The following EXOC4 variants were observed in gnomAD, a reference collection of about 807,000 sequenced individuals.
EXOC4 encodes exocyst complex component 4.
In EXOC4, 71 loss-of-function variants were observed where a neutral mutation model predicts 107.2. The observed-to-expected ratio is 0.66, with a 90% CI of 0.55 to 0.81. EXOC4 has a LOEUF of 0.81. Ranked by LOEUF, EXOC4 falls within the 30% of genes least tolerant of loss-of-function variation. The pLI is 0.00. For synonymous variants in EXOC4, 456 were observed against 441.2 expected (o/e 1.03, Z -0.42); for missense variants, 1,108 against 1,189.6 (o/e 0.93, Z 1.01).
intron 13 of EXOC4, among the ~76,000 whole-genome samples, chr7:133,918,952 G>T (rs183999006): frequency 2.1e-3 from 320 of 152,264 alleles, no homozygotes; most frequent in African/African-American, 7.5e-3. Context: ...CTCTCAAATT[G>T]TGCAACTGTA....
At chr7:133,930,714 G>A (rs1800157448) in intron 13 of EXOC4, 2 of 152,040 alleles carry the variant, frequency 1.3e-5, no homozygotes, top group Admixed American at 6.6e-5. Flanking sequence ...ACGACAACCT[G>A]TGAGTCTCCA....
chr7:133,708,519 A>G (rs1348846415), intron 10 of EXOC4, among the ~76,000 whole-genome samples: 1 of 152,224 alleles, frequency 6.6e-6, no homozygotes, highest in African/African-American at 2.4e-5. Context: ...TATTTGCTGC[A>G]GAACAGACAA....
chr7:133,715,848 A>G (rs892520122), intron 10 of EXOC4, among the ~76,000 whole-genome samples: 2 of 152,296 alleles, frequency 1.3e-5, no homozygotes, highest in Non-Finnish European at 2.9e-5. Context: ...CTATAGACCC[A>G]TGAGGCTGAG....
At chr7:133,327,376 CA>C (rs1795273503) in intron 5 of EXOC4, among the ~76,000 whole-genome samples, 1 of 152,214 alleles carries the variant, frequency 6.6e-6, no homozygotes, top group Admixed American at 6.5e-5. Flanking sequence ...TAAACTTTTC[CA>C]AAAACCAGCT....
intron 6 of EXOC4, among the ~76,000 whole-genome samples, chr7:133,370,287 T>C (rs1007477273): frequency 1.3e-5 from 2 of 151,892 alleles, no homozygotes; most frequent in African/African-American, 2.4e-5. Flanking sequence ...GCACAGCTAG[T>C]TTTTTAATTT....
chr7:133,478,267 A>G (rs1381145983), intron 8 of EXOC4, among the ~76,000 whole-genome samples: 1 of 151,494 alleles, frequency 6.6e-6, no homozygotes, highest in Non-Finnish European at 1.5e-5. Flanking sequence ...GACCACATAC[A>G]CATTTTCAAA....
At chr7:134,078,640 G>A in the EXOC4 span, among the ~76,000 whole-genome samples, 1 of 152,156 alleles carries the variant, frequency 6.6e-6, no homozygotes, top group African/African-American at 2.4e-5. Flanking sequence ...TTTCTCTGAT[G>A]TCCCAGTGGA....
At chr7:133,569,257 A>G (rs566734752) in intron 9 of EXOC4, among the ~76,000 whole-genome samples, 113 of 152,322 alleles carry the variant, frequency 7.4e-4, no homozygotes, top group African/African-American at 2.5e-3. Flanking sequence ...AAATTTAATC[A>G]TGTCCACGAA....
At chr7:134,034,604 A>G (rs73442663) in intron 17 of EXOC4, among the ~76,000 whole-genome samples, 2,222 of 152,288 alleles carry the variant, frequency 0.015, 66 homozygotes, top group African/African-American at 0.051. Context: ...CAGCTTTGTG[A>G]ACAGGGTGCC....
At chr7:133,389,895 C>CAAAAAA (rs34692720) in intron 7 of EXOC4, among the ~76,000 whole-genome samples, 1 of 129,628 alleles carries the variant, frequency 7.7e-6, no homozygotes, top group Non-Finnish European at 1.6e-5. Context: ...GGCAGCAGGC[C>CAAAAAA]AAAAAAAAAA....
intron 10 of EXOC4, among the ~76,000 whole-genome samples, chr7:133,634,871 G>T (rs139755926): frequency 6.6e-6 from 1 of 152,288 alleles, no homozygotes; most frequent in East Asian, 1.9e-4. Flanking sequence ...TGCCCGGATA[G>T]ATTCTGAAAT....
intron 9 of EXOC4, among the ~76,000 whole-genome samples, chr7:133,629,256 C>T (rs186688893): frequency 6.6e-6 from 1 of 151,810 alleles, no homozygotes; most frequent in East Asian, 1.9e-4. Flanking sequence ...GTCTTATAAT[C>T]ATTGGGGTCT....
At chr7:133,623,463 T>C (rs1172812288) in intron 9 of EXOC4, among the ~76,000 whole-genome samples, 1 of 152,228 alleles carries the variant, frequency 6.6e-6, no homozygotes, top group African/African-American at 2.4e-5. Flanking sequence ...TCGTTTTTTG[T>C]TTGTGCATAT....
At chr7:133,465,951 C>A (rs1021739645) in intron 7 of EXOC4, among the ~76,000 whole-genome samples, 2 of 151,920 alleles carry the variant, frequency 1.3e-5, no homozygotes, top group African/African-American at 4.8e-5. Flanking sequence ...GCCTGGCCAC[C>A]ATGGTGAAAC....
At chr7:133,425,526 A>G (rs974268475) in intron 7 of EXOC4, among the ~76,000 whole-genome samples, 6 of 152,060 alleles carry the variant, frequency 3.9e-5, no homozygotes, top group Non-Finnish European at 7.4e-5. Context: ...AGCTCAGGCA[A>G]TCCACCCGCC....
intron 14 of EXOC4, among the ~76,000 whole-genome samples, chr7:133,977,732 G>GT (rs1554429801): frequency 1.6e-4 from 7 of 43,148 alleles, no homozygotes; most frequent in African/African-American, 6.5e-4. Flanking sequence ...AGTTGGTTTT[G>GT]TTGTTTTGTG....
At chr7:133,607,471 C>T (rs962089926) in intron 9 of EXOC4, among the ~76,000 whole-genome samples, 2 of 152,150 alleles carry the variant, frequency 1.3e-5, no homozygotes, top group East Asian at 1.9e-4. Flanking sequence ...AAAATAGATT[C>T]GGCAGCATCA....
At chr7:134,096,405 C>G in the EXOC4 span, among the ~76,000 whole-genome samples, 1 of 152,018 alleles carries the variant, frequency 6.6e-6, no homozygotes, top group Non-Finnish European at 1.5e-5. Flanking sequence ...TTTAGAAGAC[C>G]TTTTGTATTA....
intron 4 of EXOC4, among the ~76,000 whole-genome samples, chr7:133,310,288 A>G (rs1794840851): frequency 6.6e-6 from 1 of 152,148 alleles, no homozygotes; most frequent in Non-Finnish European, 1.5e-5. Flanking sequence ...GATAGTGCTG[A>G]ACCCTGAATC....
Sources: allele counts gnomAD v4.1 joint callset (sites outside exome capture counted in the v4.1 genomes callset), GRCh38; gene constraint gnomAD v4.1.1; transcripts MANE v1.5; gene names NCBI Gene and HGNC (gene_info 2026-07-23, HGNC 2026-07-21).